The following CNTNAP2 variants were observed in gnomAD, a reference collection of about 807,000 sequenced individuals.
CNTNAP2 encodes the protein contactin-associated protein-like 2.
CNTNAP2 carries 98 observed loss-of-function variants against 155.2 expected under a neutral mutation model. That is an observed-to-expected ratio of 0.63 (90% confidence interval 0.54 to 0.75). The LOEUF is 0.75. CNTNAP2 is among the 30% of genes least tolerant of loss of function. The pLI, the probability that CNTNAP2 is intolerant of heterozygous loss-of-function variation, is 0.00. For missense variants in CNTNAP2, 1,727 were observed against 1,688.1 expected, an observed-to-expected ratio of 1.02 and a Z score of -0.40; for synonymous variants, 651 against 631.2, an observed-to-expected ratio of 1.03 and a Z score of -0.47.
intron 13 of CNTNAP2, among the ~76,000 whole-genome samples, chr7:147,852,003 A>G (rs2116670603): frequency 6.6e-6 from 1 of 152,302 alleles, no homozygotes; most frequent in East Asian, 1.9e-4. Flanking sequence ...TGTAGCTAGT[A>G]TAAGAACTAC....
intron 5 of CNTNAP2, among the ~76,000 whole-genome samples, chr7:147,113,015 C>T (rs539002355): frequency 1.1e-4 from 16 of 152,144 alleles, no homozygotes; most frequent in African/African-American, 3.6e-4. Flanking sequence ...CTGTCTCGTC[C>T]TGGGCTTTTT....
At chr7:147,513,554 T>C (rs1195267717) in intron 11 of CNTNAP2, among the ~76,000 whole-genome samples, 1 of 152,194 alleles carries the variant, frequency 6.6e-6, no homozygotes, top group Middle Eastern at 3.2e-3. Flanking sequence ...TCCATGTATG[T>C]GAAGGAACAT....
intron 1 of CNTNAP2, among the ~76,000 whole-genome samples, chr7:146,751,668 T>C (rs955434960): frequency 1.3e-5 from 2 of 152,172 alleles, no homozygotes; most frequent in African/African-American, 4.8e-5. Context: ...TGCAGGTTTG[T>C]TACACAGTTA....
intron 3 of CNTNAP2, among the ~76,000 whole-genome samples, chr7:146,900,683 C>T (rs1286019184): frequency 6.6e-6 from 1 of 152,192 alleles, no homozygotes; most frequent in Non-Finnish European, 1.5e-5. Flanking sequence ...TCTCCCCAGA[C>T]TCCAATGAGG....
chr7:146,528,973 A>T (rs868297431), intron 1 of CNTNAP2, among the ~76,000 whole-genome samples: 1 of 152,220 alleles, frequency 6.6e-6, no homozygotes, highest in South Asian at 2.1e-4. Context: ...CAAAAATCTA[A>T]GAAAAGATTA....
At chr7:147,395,945 G>A (rs992244953) in intron 10 of CNTNAP2, among the ~76,000 whole-genome samples, 165 bp downstream of exon 10, 3 of 150,640 alleles carry the variant, frequency 2.0e-5, no homozygotes, top group African/African-American at 7.3e-5. Context: ...TATTAGCAGT[G>A]ATTATGTTTA....
intron 1 of CNTNAP2, among the ~76,000 whole-genome samples, chr7:146,457,180 T>C (rs991672277): frequency 2.0e-5 from 3 of 151,174 alleles, no homozygotes; most frequent in African/African-American, 7.4e-5. Flanking sequence ...GATAAATGCC[T>C]TAAAGATAAT....
chr7:146,460,341 A>G (rs549849018), intron 1 of CNTNAP2, among the ~76,000 whole-genome samples: 1 of 151,866 alleles, frequency 6.6e-6, no homozygotes, highest in Non-Finnish European at 1.5e-5. Context: ...GTAAATCAGT[A>G]CAGCCATTAT....
At chr7:147,374,448 C>T (rs563327792) in intron 9 of CNTNAP2, among the ~76,000 whole-genome samples, 4 of 152,138 alleles carry the variant, frequency 2.6e-5, no homozygotes, top group Admixed American at 2.0e-4. Flanking sequence ...TATTTGAAAT[C>T]GACACTTGTG....
At chr7:146,678,276 C>A (rs1253058554) in intron 1 of CNTNAP2, among the ~76,000 whole-genome samples, 3 of 151,864 alleles carry the variant, frequency 2.0e-5, no homozygotes, top group African/African-American at 7.3e-5. Context: ...ACCACGTTGG[C>A]CGGGCTGGTT....
At chr7:147,688,205 G>T (rs367800232) in intron 13 of CNTNAP2, among the ~76,000 whole-genome samples, 80 of 152,130 alleles carry the variant, frequency 5.3e-4, no homozygotes, top group African/African-American at 1.7e-3. Context: ...GTTCTTATCA[G>T]CAGACATTGC....
intron 13 of CNTNAP2, among the ~76,000 whole-genome samples, chr7:147,864,678 T>A (rs1799197156): frequency 6.6e-6 from 1 of 152,110 alleles, no homozygotes; most frequent in African/African-American, 2.4e-5. Flanking sequence ...GTATTTTATT[T>A]TCTTTGAAGC....
At chr7:147,924,478 AC>A (rs1800348148) in intron 14 of CNTNAP2, among the ~76,000 whole-genome samples, 1 of 152,092 alleles carries the variant, frequency 6.6e-6, no homozygotes. Flanking sequence ...TGTAATCTTC[AC>A]AAAAACCTAT....
At chr7:147,185,805 G>A (rs1029147348) in intron 8 of CNTNAP2, among the ~76,000 whole-genome samples, 2 of 152,156 alleles carry the variant, frequency 1.3e-5, no homozygotes. Context: ...CTGGTGGGAG[G>A]TAATTGAATC....
chr7:148,275,161 C>G (rs530246088), intron 21 of CNTNAP2, among the ~76,000 whole-genome samples: 3 of 152,244 alleles, frequency 2.0e-5, no homozygotes, highest in Non-Finnish European at 2.9e-5. Flanking sequence ...GAACCCAAAG[C>G]AAGATAGGGG....
intron 1 of CNTNAP2, among the ~76,000 whole-genome samples, chr7:146,223,743 C>G (rs1799245965): frequency 6.6e-6 from 1 of 151,986 alleles, no homozygotes; most frequent in African/African-American, 2.4e-5. Context: ...GGAAGATATG[C>G]AAAGAAGGAA....
intron 21 of CNTNAP2, among the ~76,000 whole-genome samples, chr7:148,296,484 C>T (rs1213987558): frequency 1.5e-5 from 2 of 134,750 alleles, no homozygotes; most frequent in Admixed American, 8.6e-5. Context: ...GGGTGGAGTT[C>T]GCAGTGAGCC....
chr7:147,216,997 A>G (rs761439564), intron 8 of CNTNAP2, among the ~76,000 whole-genome samples: 60 of 146,126 alleles, frequency 4.1e-4, no homozygotes, highest in Non-Finnish European at 6.2e-4. Context: ...TGGTATATAG[A>G]AAAGCATTTG....
At chr7:146,943,854 G>A (rs191172604) in intron 3 of CNTNAP2, among the ~76,000 whole-genome samples, 1 of 152,262 alleles carries the variant, frequency 6.6e-6, no homozygotes, top group Admixed American at 6.5e-5. Flanking sequence ...GAGATAAACT[G>A]CTTACATGAA....
Sources: gnomAD v4.1 joint callset for allele counts (sites outside exome capture counted in the v4.1 genomes callset) on GRCh38, gnomAD v4.1.1 for gene constraint, MANE v1.5 for transcripts, NCBI Gene and HGNC (gene_info 2026-07-23, HGNC 2026-07-21) for gene names.